Variants in PDSS2 observed in about 807,000 individuals in gnomAD.
PDSS2 encodes all trans-polyprenyl-diphosphate synthase PDSS2.
PDSS2 carries 31 observed loss-of-function variants against 44.5 expected under a neutral mutation model. That is an observed-to-expected ratio of 0.70 (90% CI 0.52 to 0.94). PDSS2 has a LOEUF of 0.94. Ranked by LOEUF, PDSS2 falls within the 40% of genes least tolerant of loss-of-function variation. The pLI is 0.00. For synonymous variants in PDSS2, 157 were observed against 180.3 expected, an observed-to-expected ratio of 0.87 and a Z score of 1.03; for missense variants, 452 against 482.2, an observed-to-expected ratio of 0.94 and a Z score of 0.59.
chr6:107,236,357 A>G (rs1030681093), intron 4 of PDSS2, among the ~76,000 whole-genome samples: 2 of 152,010 alleles, frequency 1.3e-5, no homozygotes, highest in Admixed American at 6.6e-5. Context: ...AATCCCAGCT[A>G]CTCAGGAGGC....
chr6:107,319,002 A>ATG lies in PDSS2; in HGVS notation c.431+15195_431+15196insCA, dbSNP rs1194268374. ...GACTATGTTAAAAAAGAAAATATAT[A>ATG]TATATACACACACACACACACACAT... On this transcript the variant is annotated intron_variant, in intron 2 of 7. Coordinates refer to ENST00000369037, the MANE Select transcript of PDSS2 (RefSeq NM_020381.4). Among the ~76,000 whole-genome samples, 8 of 97,246 alleles carry ATG rather than the reference A, an allele frequency of 8.2e-5. No individual in the cohort carries two copies. In the Admixed American group the frequency reaches 9.4e-4, roughly 11 times the overall value. 63.8% of individuals were successfully genotyped at this position (97,246 alleles called of 152,430 possible).
rs1241936719 is a variant in PDSS2 at position 107,282,868 on chromosome 6, C to CAAA, written c.432-8644_432-8642dup. ...TGGGCAACAGAACAAGACTCCGTCT[C>CAAA]AAAAAAAAAAAAAAAAAGAAGAATT... On this transcript the variant is annotated intron_variant, in intron 2 of 7. Coordinates refer to ENST00000369037, the MANE Select transcript of PDSS2 (RefSeq NM_020381.4). Among the ~76,000 whole-genome samples, 5 of 73,380 alleles carry CAAA rather than the reference C, an allele frequency of 6.8e-5. No individual in the cohort carries two copies. In the South Asian group the frequency reaches 1.9e-3, roughly 27 times the overall value. The allele number at this position is 73,380 out of a possible 152,430, so 48.1% of individuals were successfully genotyped here.
At chr6:107,246,433 G>A (rs1004464938) in intron 3 of PDSS2, among the ~76,000 whole-genome samples, 1 of 152,142 alleles carries the variant, frequency 6.6e-6, no homozygotes, top group South Asian at 2.1e-4. Context: ...AACCCCATCC[G>A]CTTCTTACAA....
chr6:107,435,112 T>TA (rs942375258), intron 1 of PDSS2, among the ~76,000 whole-genome samples: 3 of 151,124 alleles, frequency 2.0e-5, no homozygotes, highest in South Asian at 2.1e-4. Context: ...TCTCATCTCT[T>TA]AAAAAAAAAT....
At chr6:107,164,939 G>A (rs1771286906) in intron 7 of PDSS2, among the ~76,000 whole-genome samples, 1 of 152,140 alleles carries the variant, frequency 6.6e-6, no homozygotes, top group African/African-American at 2.4e-5. Flanking sequence ...ATTTTTTCAT[G>A]TGTCTATTGG....
At chr6:107,364,457 T>C (rs1307554696) in intron 1 of PDSS2, among the ~76,000 whole-genome samples, 10 of 152,284 alleles carry the variant, frequency 6.6e-5, no homozygotes, top group South Asian at 6.2e-4. Flanking sequence ...GCTGGGGGAC[T>C]CAGTACACCC....
intron 2 of PDSS2, among the ~76,000 whole-genome samples, chr6:107,285,368 G>A (rs1004938076): frequency 6.6e-6 from 1 of 152,042 alleles, no homozygotes; most frequent in Non-Finnish European, 1.5e-5. Context: ...AGTATGGCTG[G>A]GCGTGGAGGC....
intron 1 of PDSS2, among the ~76,000 whole-genome samples, chr6:107,410,390 G>A (rs903323674): frequency 1.8e-4 from 27 of 152,140 alleles, no homozygotes; most frequent in African/African-American, 5.1e-4. Flanking sequence ...GTGCATGTGC[G>A]CGCAGACACA....
intron 3 of PDSS2, among the ~76,000 whole-genome samples, chr6:107,266,615 G>T (rs1240836008): frequency 6.6e-6 from 1 of 152,206 alleles, no homozygotes; most frequent in East Asian, 1.9e-4. Flanking sequence ...GTAAACCTGT[G>T]CAGAGACCAT....
chr6:107,321,633 C>T (rs1351518248), intron 2 of PDSS2, among the ~76,000 whole-genome samples: 2 of 152,128 alleles, frequency 1.3e-5, no homozygotes, highest in Non-Finnish European at 2.9e-5. Flanking sequence ...TGGTGAAAAC[C>T]ACTGTTCCTT....
chr6:107,288,515 T>G (rs542209666), intron 2 of PDSS2, among the ~76,000 whole-genome samples: 1 of 152,128 alleles, frequency 6.6e-6, no homozygotes, highest in South Asian at 2.1e-4. Flanking sequence ...GATTATGAAC[T>G]TTTTAATAGA....
intron 1 of PDSS2, among the ~76,000 whole-genome samples, 194 bp from the exon 2 acceptor site, chr6:107,334,526 CGTTGTTGTTGTTGTT>C (rs67310767): frequency 3.4e-5 from 5 of 149,128 alleles, no homozygotes; most frequent in Admixed American, 6.7e-5. Context: ...TCTACGGCTG[CGTTGTTGTTGTTGTT>C]GTTGTTGTTG....
intron 1 of PDSS2, among the ~76,000 whole-genome samples, chr6:107,456,276 G>A (rs1782042069): frequency 6.6e-6 from 1 of 152,176 alleles, no homozygotes. Context: ...AGCCGAGACT[G>A]TGCCACTGCA....
intron 2 of PDSS2, among the ~76,000 whole-genome samples, chr6:107,313,838 A>G (rs556124866): frequency 2.4e-4 from 37 of 152,320 alleles, no homozygotes; most frequent in Non-Finnish European, 2.6e-4. Context: ...TTCTTATAAC[A>G]AAATGAAAAT....
At chr6:107,346,008 T>C (rs1356671752) in intron 1 of PDSS2, among the ~76,000 whole-genome samples, 1 of 152,156 alleles carries the variant, frequency 6.6e-6, no homozygotes, top group Non-Finnish European at 1.5e-5. Flanking sequence ...CATTAAGACC[T>C]TACAGATATT....
At chr6:107,304,310 C>T (rs1244408543) in intron 2 of PDSS2, among the ~76,000 whole-genome samples, 1 of 152,244 alleles carries the variant, frequency 6.6e-6, no homozygotes, top group African/African-American at 2.4e-5. Flanking sequence ...AGAGGCAATG[C>T]TCCAGAGCTA....
At chr6:107,442,527 A>G (rs1781541124) in intron 1 of PDSS2, among the ~76,000 whole-genome samples, 1 of 152,202 alleles carries the variant, frequency 6.6e-6, no homozygotes. Context: ...AGAAACCCCT[A>G]TGGCTTTAAA....
intron 4 of PDSS2, among the ~76,000 whole-genome samples, chr6:107,227,352 G>A (rs534565182): frequency 4.4e-5 from 6 of 137,358 alleles, no homozygotes; most frequent in East Asian, 4.3e-4. Context: ...GCAGTGGCAC[G>A]ATCTTGGCTC....
intron 1 of PDSS2, among the ~76,000 whole-genome samples, chr6:107,342,046 C>T (rs565520449): frequency 6.6e-5 from 10 of 152,098 alleles, no homozygotes; most frequent in African/African-American, 2.4e-4. Flanking sequence ...ACTCCAATGC[C>T]CGGGCTTGCT....
Sources: allele counts gnomAD v4.1 joint callset (sites outside exome capture counted in the v4.1 genomes callset), GRCh38; gene constraint gnomAD v4.1.1; transcripts MANE v1.5; gene names NCBI Gene and HGNC (gene_info 2026-07-23, HGNC 2026-07-21).